The following CACNA1B variants were observed in gnomAD, a reference collection of about 807,000 sequenced individuals.
The protein encoded by CACNA1B is calcium voltage-gated channel subunit alpha1 B, also known as voltage-dependent N-type calcium channel subunit alpha-1B.
A neutral mutation model predicts 247.2 loss-of-function variants in CACNA1B; 70 were observed. That is an observed-to-expected ratio of 0.28 (90% CI 0.23 to 0.35). The LOEUF (loss-of-function observed/expected upper bound fraction) is 0.35. Among genes scored for constraint, CACNA1B ranks in the 10% least tolerant of loss-of-function variants. CACNA1B has a pLI of 1.00. For missense variants in CACNA1B, 2,367 were observed against 3,197.4 expected (o/e 0.74, Z 6.26); for synonymous variants, 1,231 against 1,294.4 (o/e 0.95, Z 1.05).
chr9:137,987,300 G>C (rs553945882), intron 15 of CACNA1B, among the ~76,000 whole-genome samples: 19 of 151,970 alleles, frequency 1.3e-4, no homozygotes, highest in Non-Finnish European at 2.2e-4. Context: ...TCAGCTCCTC[G>C]GGAAGTGGGG....
intron 3 of CACNA1B, among the ~76,000 whole-genome samples, chr9:137,895,195 C>A (rs917670324): frequency 6.6e-6 from 1 of 152,180 alleles, no homozygotes; most frequent in African/African-American, 2.4e-5. Flanking sequence ...TATTCCGTTC[C>A]ATTGATCTGT....
rs1015307971 is a variant in CACNA1B at position 138,010,218 on chromosome 9, C to T, written c.2160+141C>T. On this transcript the variant is annotated intron_variant, in intron 17 of 46. Transcript: ENST00000371372. This position sits in a 1 kb window ranked among gnomAD's most constrained non-coding sequence, Gnocchi z 5.3. ...CTGGCGGGCAGAGGCTGGTCTGTCA[C>T]TCAGGGGCTGGAGGCTGGAGCTGAG... 3.1e-6 allele frequency: 2 copies of T among 635,892 alleles called. No individual in the cohort carries two copies. Among genetic ancestry groups the T allele is most frequent in the Admixed American group, 2.6e-5 (1 of 38,824 alleles). 39.4% of individuals were successfully genotyped at this position (635,892 alleles called of 1,614,324 possible).
At chr9:138,046,152 G>A (rs2133478647) in intron 21 of CACNA1B, among the ~76,000 whole-genome samples, 1 of 152,328 alleles carries the variant, frequency 6.6e-6, no homozygotes, top group South Asian at 2.1e-4. Flanking sequence ...GCTTCCTGGT[G>A]TTTTGACTGC....
At chr9:137,937,947 CAAAAAAAAAAAAA>C (rs57680122) in intron 6 of CACNA1B, among the ~76,000 whole-genome samples, 5 of 21,924 alleles carry the variant, frequency 2.3e-4, no homozygotes, top group South Asian at 2.5e-3. Flanking sequence ...AACTCTGTCT[CAAAAAAAAAAAAA>C]AAAAAAAAAA....
Position 138,100,997 on chromosome 9 carries a change from G to A in CACNA1B, c.5223-1714G>A, listed in dbSNP as rs961346340. On this transcript the variant is annotated intron_variant, in intron 37 of 46. Coordinates refer to ENST00000371372, the MANE Select transcript of CACNA1B (RefSeq NM_000718.4). The surrounding 1 kb of genome is among the most constrained non-coding windows in gnomAD (Gnocchi z 4.6). ...CCTGTCCAGTGCACCCCTCACCTCC[G>A]CCGCCACGCCTGCGCGAGGTCGGTC... 2.5e-5 allele frequency: 11 copies of A among 439,888 alleles called. No individual in the cohort carries two copies. The highest frequency in any genetic ancestry group is 7.1e-5 in the East Asian group (1 of 14,178). 27.2% of individuals were successfully genotyped at this position (439,888 alleles called of 1,614,324 possible).
At position 138,100,513 on chromosome 9, in the gene CACNA1B, T is replaced by C. The variant is rs1443366301; in HGVS notation, c.5223-2198T>C. 2.0e-5 allele frequency among the ~76,000 whole-genome samples: 3 copies of C among 152,144 alleles called. No homozygotes were observed. Among genetic ancestry groups the C allele is most frequent in the Non-Finnish European group, 4.4e-5 (3 of 68,026 alleles). Reference sequence around the variant, plus strand: ...AGGCCGAGGTGGGGCTTCCTGTTTCTTCCCTTTTACAGAAGGAAATTCAAC... The same window carrying C: ...AGGCCGAGGTGGGGCTTCCTGTTTCCTCCCTTTTACAGAAGGAAATTCAAC... On this transcript the variant is annotated intron_variant, in intron 37 of 46. Transcript: ENST00000371372. This position sits in a 1 kb window ranked among gnomAD's most constrained non-coding sequence, Gnocchi z 4.6.
In CACNA1B at chr9:137,986,513, G is replaced by A. The variant is rs1259261506; in HGVS notation, c.1870G>A (p.Ala624Thr). The change falls in exon 14 of 47, where the codon GCC (alanine) becomes ACC (threonine). Residue 624 changes from alanine to threonine, a missense_variant. Transcript: ENST00000371372. The surrounding 1 kb of genome is among the most constrained non-coding windows in gnomAD (Gnocchi z 6.0). Reference protein sequence around the residue: ...FLLFLFIVVFALLGMQLFGGQ... With the variant: ...FLLFLFIVVFTLLGMQLFGGQ... ...GCTCTTCCTGTTCATTGTGGTCTTC[G>A]CCCTGCTGGGGATGCAGCTGTTTGG... is the stretch of plus-strand genomic sequence containing the variant. 2 of 1,613,804 alleles carry A rather than the reference G, an allele frequency of 1.2e-6. No individual in the cohort carries two copies. Among genetic ancestry groups the A allele is most frequent in the Non-Finnish European group, 8.5e-7 (1 of 1,179,800 alleles).
intron 3 of CACNA1B, among the ~76,000 whole-genome samples, chr9:137,900,180 G>A (rs1288190345): frequency 1.3e-5 from 2 of 152,116 alleles, no homozygotes; most frequent in African/African-American, 4.8e-5. Flanking sequence ...AAGGCAGGGT[G>A]CCCCCCTGGC....
chr9:138,116,766 T>G (rs1026829107), intron 42 of CACNA1B, among the ~76,000 whole-genome samples: 3 of 152,338 alleles, frequency 2.0e-5, no homozygotes, highest in Admixed American at 6.5e-5. Context: ...ATTTCAGGGT[T>G]AGCGGTGCAT....
At chr9:137,901,649 C>T (rs959137500) in intron 3 of CACNA1B, among the ~76,000 whole-genome samples, 2 of 151,464 alleles carry the variant, frequency 1.3e-5, no homozygotes, top group Non-Finnish European at 2.9e-5. Context: ...AGTTTGTATT[C>T]CACCAGTTCT....
rs1959635173 is a variant in CACNA1B at position 138,059,377 on chromosome 9, G to C, written c.4584+188G>C. On this transcript the variant is annotated intron_variant, in intron 30 of 46. Transcript: ENST00000371372. The surrounding 1 kb of genome is among the most constrained non-coding windows in gnomAD (Gnocchi z 4.2). ...CTTGGCTACATAAGCTCTGCCCCCA[G>C]CCTAGGTCCTGGGAGGGAGGCAGGG... 6.6e-6 allele frequency among the ~76,000 whole-genome samples: 1 copy of C among 152,140 alleles called. No individual in the cohort carries two copies.
chr9:138,078,118 G>A lies in CACNA1B; in HGVS notation c.4954G>A (p.Ala1652Thr), dbSNP rs201482735. 10 of 1,613,284 alleles carry A rather than the reference G, an allele frequency of 6.2e-6. No homozygotes were observed. Among genetic ancestry groups the A allele is most frequent in the African/African-American group, 2.7e-5 (2 of 74,898 alleles). ...LQALMLLFRS[A>T]TGEAWHEIML... ...CAACTCTGCCCTTCTTCTCAGGAGC[G>A]CCACGGGGGAGGCCTGGCACGAGAT... is the stretch of plus-strand genomic sequence containing the variant. Residue 1652 changes from alanine (A) to threonine (T), a missense_variant, in exon 36 of 47, where the codon GCC becomes ACC. Ala to Thr is a moderately conservative substitution (Grantham distance 58, BLOSUM62 0). Coordinates refer to ENST00000371372, the MANE Select transcript of CACNA1B (RefSeq NM_000718.4).
At chr9:137,939,961 A>G (rs879752263) in intron 6 of CACNA1B, among the ~76,000 whole-genome samples, 3 of 152,130 alleles carry the variant, frequency 2.0e-5, no homozygotes, top group Non-Finnish European at 4.4e-5. Flanking sequence ...AAATACCTAC[A>G]TCGAAAAGTC....
intron 1 of CACNA1B, 31 bp from the exon 2 acceptor site, chr9:137,879,004 TCGTGTTTCCCTCCGTGCGG>T: frequency 8.0e-7 from 1 of 1,251,170 alleles, no homozygotes; most frequent in Non-Finnish European, 1.1e-6. Flanking sequence ...GGCGTCGGCC[TCGTGTTTCCCTCCGTGCGG>T]CGTCTGCCGG....
At chr9:138,064,558 C>T (rs188223470) in intron 31 of CACNA1B, among the ~76,000 whole-genome samples, 104 of 152,368 alleles carry the variant, frequency 6.8e-4, no homozygotes, top group Middle Eastern at 6.8e-3. Flanking sequence ...GCCCCTCTGT[C>T]CTGCCTCTAG....
intron 36 of CACNA1B, among the ~76,000 whole-genome samples, chr9:138,080,911 A>G (rs538914494): frequency 6.6e-6 from 1 of 152,328 alleles, no homozygotes; most frequent in African/African-American, 2.4e-5. Context: ...ACTTAGATAG[A>G]GAAATACAGA....
chr9:138,099,242 CAG>C (rs200654257), intron 37 of CACNA1B, among the ~76,000 whole-genome samples: 4 of 152,176 alleles, frequency 2.6e-5, no homozygotes, highest in African/African-American at 7.2e-5. Flanking sequence ...CGCATGCACA[CAG>C]ATGTCTACAT....
chr9:138,084,025 T>A (rs1960613222), intron 36 of CACNA1B, among the ~76,000 whole-genome samples: 1 of 150,820 alleles, frequency 6.6e-6, no homozygotes, highest in Admixed American at 6.6e-5. Flanking sequence ...AGAGCACCCC[T>A]TCTTCCTGAA....
rs544325869 is a variant in CACNA1B at position 138,096,731 on chromosome 9, C to T, written c.5222+120C>T. On this transcript the variant is annotated intron_variant, in intron 37 of 46. Coordinates refer to ENST00000371372, the MANE Select transcript of CACNA1B (RefSeq NM_000718.4). ...CACCCCCTCAGGTTTTGGTTTGGGGCCTAGGGATCTGTCCTGTTTCGTGTA... is the reference window on the plus strand; with the variant it reads ...CACCCCCTCAGGTTTTGGTTTGGGGTCTAGGGATCTGTCCTGTTTCGTGTA... 4.4e-6 allele frequency: 4 copies of T among 911,624 alleles called. No individual in the cohort carries two copies. The South Asian group carries it at 5.4e-5, about 12-fold the overall frequency. 56.5% of individuals were successfully genotyped at this position (911,624 alleles called of 1,614,324 possible).
Sources: gnomAD v4.1 joint callset for allele counts (sites outside exome capture counted in the v4.1 genomes callset) on GRCh38, gnomAD v4.1.1 for gene constraint, Gnocchi (gnomAD v3.1) non-coding constraint, MANE v1.5 for transcripts, NCBI Gene and HGNC (gene_info 2026-07-23, HGNC 2026-07-21) for gene names.